ATXN1: variants seen among roughly 807,000 people sequenced by gnomAD.
ATXN1 encodes ataxin 1, also known as ataxin-1.
A neutral mutation model predicts 56.4 loss-of-function variants in ATXN1; 8 were observed. The observed-to-expected ratio is 0.14, with a 90% CI of 0.08 to 0.26. ATXN1 has a LOEUF of 0.26. Ranked by LOEUF, ATXN1 falls within the 10% of genes least tolerant of loss-of-function variation. The pLI is 1.00. For missense variants in ATXN1, 987 were observed against 1,106.5 expected (o/e 0.89, Z 1.53); for synonymous variants, 514 against 494.6 (o/e 1.04, Z -0.52).
At chr6:16,727,599 A>G (rs1759878540) in intron 2 of ATXN1, among the ~76,000 whole-genome samples, 1 of 152,206 alleles carries the variant, frequency 6.6e-6, no homozygotes, top group Non-Finnish European at 1.5e-5. Flanking sequence ...CAAATTATGT[A>G]TATATAATCA....
chr6:16,733,120 T>A (rs1379128481), intron 2 of ATXN1, among the ~76,000 whole-genome samples: 2 of 152,278 alleles, frequency 1.3e-5, no homozygotes, highest in Non-Finnish European at 2.9e-5. Context: ...TATTACTACT[T>A]GCTGAAAGCC....
intron 2 of ATXN1, among the ~76,000 whole-genome samples, chr6:16,687,365 TA>T (rs1312541891): frequency 6.6e-6 from 1 of 152,150 alleles, no homozygotes; most frequent in East Asian, 1.9e-4. Flanking sequence ...CACCTAAACT[TA>T]AACTCTGAAA....
intron 3 of ATXN1, among the ~76,000 whole-genome samples, chr6:16,649,699 G>T (rs1176675325): frequency 6.6e-6 from 1 of 152,072 alleles, no homozygotes; most frequent in African/African-American, 2.4e-5. Flanking sequence ...TTAGTACTAA[G>T]CTTATCCAAA....
At chr6:16,612,376 T>A (rs936467813) in intron 3 of ATXN1, among the ~76,000 whole-genome samples, 2 of 152,132 alleles carry the variant, frequency 1.3e-5, no homozygotes, top group African/African-American at 4.8e-5. Context: ...AACTCATTAA[T>A]AGACAGAAGT....
chr6:16,745,757 A>C (rs1342684094), intron 2 of ATXN1, among the ~76,000 whole-genome samples: 1 of 152,126 alleles, frequency 6.6e-6, no homozygotes, highest in East Asian at 1.9e-4. Context: ...AACGTCACTG[A>C]CAGGTTAGTG....
intron 6 of ATXN1, among the ~76,000 whole-genome samples, chr6:16,382,847 C>T (rs1190721186): frequency 1.4e-5 from 2 of 146,210 alleles, no homozygotes; most frequent in African/African-American, 5.1e-5. Context: ...AATAAATAAA[C>T]TTGCAAGTCT....
chr6:16,665,958 C>T (rs1175020109), intron 2 of ATXN1, among the ~76,000 whole-genome samples: 3 of 152,106 alleles, frequency 2.0e-5, no homozygotes, highest in African/African-American at 7.2e-5. Context: ...ATTTGGGATA[C>T]CCATCACTTC....
chr6:16,408,215 A>G (rs566411625), intron 6 of ATXN1, among the ~76,000 whole-genome samples: 1 of 152,284 alleles, frequency 6.6e-6, no homozygotes, highest in African/African-American at 2.4e-5. Context: ...CTTGGCAACA[A>G]AATAAAAGAA....
At chr6:16,617,030 A>T (rs1016906229) in intron 3 of ATXN1, among the ~76,000 whole-genome samples, 3 of 152,146 alleles carry the variant, frequency 2.0e-5, no homozygotes, top group African/African-American at 7.2e-5. Context: ...GTGTACGTAC[A>T]GGAAAAAACA....
At chr6:16,413,906 CATTCCT>C (rs1758851703) in intron 6 of ATXN1, among the ~76,000 whole-genome samples, 1 of 152,156 alleles carries the variant, frequency 6.6e-6, no homozygotes, top group African/African-American at 2.4e-5. Flanking sequence ...AGTTACTTTA[CATTCCT>C]ATAACATATT....
intron 7 of ATXN1, among the ~76,000 whole-genome samples, chr6:16,308,262 G>T (rs918476415): frequency 6.6e-6 from 1 of 151,502 alleles, no homozygotes; most frequent in Non-Finnish European, 1.5e-5. Context: ...GGAGGCGGAG[G>T]CTGCAGTGAA....
At chr6:16,384,631 C>T (rs761955808) in intron 6 of ATXN1, among the ~76,000 whole-genome samples, 33 of 152,216 alleles carry the variant, frequency 2.2e-4, no homozygotes, top group Non-Finnish European at 4.3e-4. Flanking sequence ...GACTGGATCA[C>T]GGGCTTAGAT....
intron 6 of ATXN1, among the ~76,000 whole-genome samples, chr6:16,362,485 C>G (rs1471979170): frequency 6.6e-6 from 1 of 152,118 alleles, no homozygotes; most frequent in Non-Finnish European, 1.5e-5. Context: ...CAGTTACCCC[C>G]ATTATCACCA....
At chr6:16,418,324 A>G (rs1758958835) in intron 6 of ATXN1, among the ~76,000 whole-genome samples, 2 of 152,162 alleles carry the variant, frequency 1.3e-5, no homozygotes, top group African/African-American at 4.8e-5. Flanking sequence ...AACTCCTTGC[A>G]TTTGTACAGA....
At chr6:16,551,545 G>T (rs1761920657) in intron 4 of ATXN1, among the ~76,000 whole-genome samples, 1 of 152,150 alleles carries the variant, frequency 6.6e-6, no homozygotes, top group African/African-American at 2.4e-5. Flanking sequence ...GAGGTTACAT[G>T]GTGGAGGGTG....
chr6:16,372,664 A>C (rs1276481814), intron 6 of ATXN1, among the ~76,000 whole-genome samples: 2 of 152,188 alleles, frequency 1.3e-5, no homozygotes. Context: ...CTGTAATCCA[A>C]GCTCTTTGGG....
intron 6 of ATXN1, among the ~76,000 whole-genome samples, chr6:16,362,235 T>C (rs1009258267): frequency 2.6e-5 from 4 of 152,226 alleles, no homozygotes; most frequent in African/African-American, 7.2e-5. Context: ...GCTCTTGATC[T>C]GACTGGACGG....
intron 2 of ATXN1, chr6:16,750,219 C>G (rs966771931): frequency 2.6e-5 from 4 of 152,176 alleles, no homozygotes; most frequent in African/African-American, 9.7e-5. Context: ...CCCTGCCTGA[C>G]CAGGAAGAAA....
At position 16,548,680 on chromosome 6, in the gene ATXN1, T is replaced by C. The variant is rs148738520; in HGVS notation, c.-360-25992A>G. Among the ~76,000 whole-genome samples, 25 of 152,222 alleles carry C rather than the reference T, an allele frequency of 1.6e-4. No homozygotes were observed. In the East Asian group the frequency reaches 4.8e-3, roughly 29 times the overall value. The stretch of plus-strand genomic sequence containing the variant: ...GGTGCACACCTGTAATCCCAGCACT[T>C]TGGGAGGCCGAGGCGGGTGGATTGC... On this transcript the variant is annotated intron_variant, in intron 4 of 7. Coordinates refer to ENST00000436367, the MANE Select transcript of ATXN1 (RefSeq NM_001128164.2).
Sources: allele counts gnomAD v4.1 joint callset (sites outside exome capture counted in the v4.1 genomes callset), GRCh38; gene constraint gnomAD v4.1.1; transcripts MANE v1.5; gene names NCBI Gene and HGNC (gene_info 2026-07-23, HGNC 2026-07-21).